The following CS variants were observed in gnomAD, a reference collection of about 807,000 sequenced individuals.
CS encodes the protein citrate synthase, mitochondrial.
In CS, 13 loss-of-function variants were observed where a neutral mutation model predicts 61.4. The observed-to-expected ratio is 0.21, with a 90% CI of 0.14 to 0.34. CS has a LOEUF of 0.34. Ranked by LOEUF, CS falls within the 10% of genes least tolerant of loss-of-function variation. The probability of loss-of-function intolerance (pLI) is 1.00; values close to 1 mark genes in which losing one functional copy is unlikely to be tolerated. For missense variants in CS, 278 were observed against 573.4 expected, an observed-to-expected ratio of 0.48 and a Z score of 5.26; for synonymous variants, 159 against 215.2, an observed-to-expected ratio of 0.74 and a Z score of 2.29.
At position 56,273,791 on chromosome 12, in the gene CS, A is replaced by C. The variant is rs1301591023; in HGVS notation, c.1026T>G (p.Val342=). ...IWNTLNSGRV[V]PGYGHAVLRK... Reference sequence around the variant, plus strand: ...TTAGTACTGCATGGCCATAGCCTGGAACAACCTGTAAAGAGTGAGGAAAAA... The same window carrying C: ...TTAGTACTGCATGGCCATAGCCTGGCACAACCTGTAAAGAGTGAGGAAAAA... The change falls in exon 10 of 11, where the codon GTT becomes GTG. Residue 342 remains valine, a synonymous_variant. Coordinates refer to ENST00000351328, the MANE Select transcript of CS (RefSeq NM_004077.3). 1.9e-6 allele frequency: 3 copies of C among 1,613,008 alleles called. No homozygotes were observed.
At chr12:56,297,328 C>G (rs1173603403) in intron 1 of CS, among the ~76,000 whole-genome samples, 1 of 152,170 alleles carries the variant, frequency 6.6e-6, no homozygotes, top group Admixed American at 6.5e-5. Context: ...AAGGCCATTG[C>G]TTAGCATTAA....
intron 1 of CS, among the ~76,000 whole-genome samples, chr12:56,288,306 G>T (rs1873004826): frequency 6.6e-6 from 1 of 150,980 alleles, no homozygotes; most frequent in Non-Finnish European, 1.5e-5. Flanking sequence ...ATTGCTACCT[G>T]CCTGGGGTGA....
At chr12:56,299,852 G>A (rs557406598) in intron 1 of CS, 34 of 337,074 alleles carry the variant, frequency 1.0e-4, no homozygotes, top group African/African-American at 7.0e-4. Context: ...TCGGCTCCTT[G>A]CTATTTCAGG....
chr12:56,278,289 C>A (rs1448899000), intron 6 of CS, among the ~76,000 whole-genome samples: 1 of 152,114 alleles, frequency 6.6e-6, no homozygotes, highest in African/African-American at 2.4e-5. Flanking sequence ...CGCCACCATG[C>A]CTAATTTTTT....
Position 56,275,081 on chromosome 12 carries a change from C to T in CS, c.839G>A (p.Ser280Asn). The T allele has an allele frequency of 6.2e-7, 1 of 1,614,202 alleles. No individual in the cohort carries two copies. The highest frequency in any genetic ancestry group is 8.5e-7 in the Non-Finnish European group (1 of 1,180,024). Residue 280 changes from serine (S) to asparagine (N), a missense_variant, in exon 8 of 11, where the codon AGT (serine) becomes AAT (asparagine). By Grantham distance (46) the Ser-to-Asn change is conservative (BLOSUM62 1). Transcript: ENST00000351328. ...VSAHTSHLVG[S>N]ALSDPYLSFA... ...GGACAGGTAAGGGTCGGAAAGGGCA[C>T]TGCCCACCAAATGGCTGGTATGGGC...
chr12:56,285,285 C>T (rs1872908588), intron 3 of CS: 1 of 443,418 alleles, frequency 2.3e-6, no homozygotes, highest in Non-Finnish European at 4.5e-6. Flanking sequence ...CACTATCTTT[C>T]TTTTTGTTTG....
rs989251354 is a variant in CS, at chr12:56,300,265, A to AGCC, written c.-67_-65dup. 2.0e-6 allele frequency: 3 copies of AGCC among 1,495,496 alleles called. No homozygotes were observed. The highest frequency in any genetic ancestry group is 2.7e-6 in the Non-Finnish European group (3 of 1,109,812). 92.6% of individuals were successfully genotyped at this position (1,495,496 alleles called of 1,614,324 possible). ...GGGAGAGAGCTGCGGCAGGAACAGG[A>AGCC]GCCGCCGCCGCTGCACCAGAGGCCG... On this transcript the variant is annotated 5_prime_UTR_variant, in exon 1 of 11. Coordinates refer to ENST00000351328, the MANE Select transcript of CS (RefSeq NM_004077.3).
chr12:56,276,177 T>A lies in CS; in HGVS notation c.607A>T (p.Met203Leu). 6.2e-7 allele frequency: 1 copy of A among 1,613,998 alleles called. No individual in the cohort carries two copies. Among genetic ancestry groups the A allele is most frequent in the Non-Finnish European group, 8.5e-7 (1 of 1,180,000 alleles). ...KYWELIYEDS[M>L]DLIAKLPCVA... is the part of the protein sequence containing the mutation. ...CAAGGTAGCTTTGCGATTAGATCCA[T>A]AGAGTCTTCATAAATCAACTGACAG... Residue 203 changes from methionine (M) to leucine (L), a missense_variant, in exon 7 of 11, where the codon ATG becomes TTG. By Grantham distance (15) the Met-to-Leu change is conservative. Transcript: ENST00000351328.
chr12:56,274,143 G>C, intron 9 of CS: 1 of 273,340 alleles, frequency 3.7e-6, no homozygotes, highest in South Asian at 4.3e-5. Flanking sequence ...CCAACTCGGA[G>C]AAACCCCGTC....
intron 3 of CS, among the ~76,000 whole-genome samples, chr12:56,284,094 G>C (rs1346644504): frequency 6.6e-6 from 1 of 151,572 alleles, no homozygotes; most frequent in Non-Finnish European, 1.5e-5. Flanking sequence ...GCCGAGGCAG[G>C]TGGATCACCT....
Position 56,276,148 on chromosome 12 carries a change from A to G in CS, c.636T>C (p.Val212=). Residue 212 remains valine, a synonymous_variant, in exon 7 of 11, where the codon GTT becomes GTC. Coordinates refer to ENST00000351328, the MANE Select transcript of CS (RefSeq NM_004077.3). ...AGAGATTTCGGTAGATCTTTGCTGC[A>G]ACACAAGGTAGCTTTGCGATTAGAT... ...SMDLIAKLPC[V]AAKIYRNLYR... is the part of the protein sequence containing the mutation. 1 of 1,614,206 alleles carries G rather than the reference A, an allele frequency of 6.2e-7. No homozygotes were observed.
chr12:56,287,045 A>T (rs1872960105), intron 1 of CS, among the ~76,000 whole-genome samples: 1 of 152,156 alleles, frequency 6.6e-6, no homozygotes, highest in Admixed American at 6.6e-5. Flanking sequence ...TCTGGGAAAG[A>T]CCACAGGCAG....
At chr12:56,295,903 G>T (rs984466044) in intron 1 of CS, among the ~76,000 whole-genome samples, 1 of 142,236 alleles carries the variant, frequency 7.0e-6, no homozygotes, top group Admixed American at 7.5e-5. Flanking sequence ...GCAGTGAGCC[G>T]GGATCGAGCC....
intron 2 of CS, 24 bp from the exon 3 acceptor site, chr12:56,286,047 A>T: frequency 2.5e-6 from 4 of 1,572,352 alleles, no homozygotes; most frequent in Non-Finnish European, 3.5e-6. Flanking sequence ...TAGAAGGACT[A>T]AGCAATGGTC....
intron 3 of CS, among the ~76,000 whole-genome samples, chr12:56,284,589 CTTT>C (rs562855498): frequency 7.2e-6 from 1 of 139,594 alleles, no homozygotes; most frequent in Non-Finnish European, 1.6e-5. Flanking sequence ...TTTTGTATTT[CTTT>C]TTTTTTTTTT....
chr12:56,286,655 A>G lies in CS; in HGVS notation c.43-10T>C, dbSNP rs1872947648. 5.6e-6 allele frequency: 9 copies of G among 1,612,986 alleles called. No homozygotes were observed. The highest frequency in any genetic ancestry group is 7.6e-6 in the Non-Finnish European group (9 of 1,179,078). ...CAAGACAAGATGCATTCTGCAAAGC[A>G]AAAAAGAGAACCTTATGTAACTGTT... On this transcript the variant is annotated splice_polypyrimidine_tract_variant and intron_variant, in intron 1 of 10. Transcript: ENST00000351328.
chr12:56,288,314 T>A (rs191353573), intron 1 of CS, among the ~76,000 whole-genome samples: 16 of 151,804 alleles, frequency 1.1e-4, no homozygotes, highest in Admixed American at 9.9e-4. Context: ...CTGCCTGGGG[T>A]GAGAGTTCTA....
At chr12:56,300,067 G>C (rs892164269) in intron 1 of CS, 93 bp downstream of exon 1, 3 of 1,289,948 alleles carry the variant, frequency 2.3e-6, no homozygotes, top group African/African-American at 3.1e-5. Context: ...CGCAGGGTGC[G>C]CACGGGTGTG....
chr12:56,289,042 G>A (rs1368171451), intron 1 of CS, among the ~76,000 whole-genome samples: 1 of 152,064 alleles, frequency 6.6e-6, no homozygotes, highest in African/African-American at 2.4e-5. Flanking sequence ...TAAAGCAAAC[G>A]AGGAACACCT....
Sources: gnomAD v4.1 joint callset for allele counts (sites outside exome capture counted in the v4.1 genomes callset) on GRCh38, gnomAD v4.1.1 for gene constraint, MANE v1.5 for transcripts, NCBI Gene and HGNC (gene_info 2026-07-23, HGNC 2026-07-21) for gene names.